Variants in REPS2 observed in about 807,000 individuals in gnomAD.
REPS2 encodes ralBP1-associated Eps domain-containing protein 2.
REPS2 carries 23 observed loss-of-function variants against 53.6 expected under a neutral mutation model. That is an observed-to-expected ratio of 0.43 (90% CI 0.31 to 0.61). The LOEUF (loss-of-function observed/expected upper bound fraction) is 0.61, where lower values mean the gene tolerates loss of function less well. REPS2 is among the 20% of genes least tolerant of loss of function. REPS2 has a pLI of 0.11. For missense variants in REPS2, 446 were observed against 534.9 expected, an observed-to-expected ratio of 0.83 and a Z score of 1.64; for synonymous variants, 238 against 218.6, an observed-to-expected ratio of 1.09 and a Z score of -0.78.
At chrX:16,956,955 T>C (rs2060604719) in intron 1 of REPS2, among the ~76,000 whole-genome samples, 1 of 112,672 alleles carries the variant, frequency 8.9e-6, no homozygotes, top group Non-Finnish European at 1.9e-5. Flanking sequence ...ACTAGGCTAG[T>C]AGGAAATGTT....
At chrX:17,153,281 T>G (rs1331138509), downstream of REPS2, 1 of 112,179 alleles carries the variant, frequency 8.9e-6, no homozygotes, top group Non-Finnish European at 1.9e-5. Context: ...AAGTGTGGGT[T>G]TTATGGAGTC....
Position 17,150,600 on chromosome X carries a change from G to C in REPS2, c.*3119G>C, listed in dbSNP as rs2063560484. The C allele has an allele frequency of 8.9e-6, 1 of 112,812 alleles. No individual in the cohort carries two copies. Among genetic ancestry groups the C allele is most frequent in the Admixed American group, 9.3e-5 (1 of 10,706 alleles). The allele number at this position is 112,812 out of a possible 1,213,427, so 9.3% of individuals were successfully genotyped here. On this transcript the variant is annotated 3_prime_UTR_variant, in exon 18 of 18. Transcript: ENST00000357277. ...ACTGCTTTACAAATATTAAACAAGTGCTTGGGCATGATTGGGAGAGGAGGC... is the reference window on the plus strand; with the variant it reads ...ACTGCTTTACAAATATTAAACAAGTCCTTGGGCATGATTGGGAGAGGAGGC...
At chrX:17,108,227 G>A (rs1431913807) in intron 14 of REPS2, among the ~76,000 whole-genome samples, 1 of 107,106 alleles carries the variant, frequency 9.3e-6, no homozygotes, top group Non-Finnish European at 1.9e-5. Flanking sequence ...AGGCTGGAGT[G>A]CAATGGCGCG....
intron 14 of REPS2, among the ~76,000 whole-genome samples, chrX:17,123,448 C>G (rs1189734886): frequency 8.9e-6 from 1 of 112,802 alleles, no homozygotes; most frequent in Non-Finnish European, 1.9e-5. Flanking sequence ...AAGTCTGTCT[C>G]ATGGATGTTG....
At chrX:16,994,359 G>C (rs1175724066) in intron 1 of REPS2, among the ~76,000 whole-genome samples, 1 of 85,325 alleles carries the variant, frequency 1.2e-5, no homozygotes, top group Non-Finnish European at 2.3e-5. Flanking sequence ...ATACACACAC[G>C]TACATATATA....
intron 12 of REPS2, among the ~76,000 whole-genome samples, chrX:17,076,188 G>T (rs2062378716): frequency 8.9e-6 from 1 of 111,981 alleles, no homozygotes; most frequent in Non-Finnish European, 1.9e-5. Context: ...AGAACTGAAG[G>T]GGTTTAATAG....
In REPS2 at chrX:16,951,559, A is replaced by ACCC. The variant is rs74473321; in HGVS notation, c.273+4428_273+4430dup. On this transcript the variant is annotated intron_variant, in intron 1 of 17. Transcript: ENST00000357277. ...CACACACACACACACACACACACAC[A>ACCC]CCCCCGCTACCTACCTCTCTCTGGG... 9.7e-3 allele frequency among the ~76,000 whole-genome samples: 365 copies of ACCC among 37,494 alleles called. 6 individuals carry two copies. The highest frequency in any genetic ancestry group is 0.021 in the East Asian group (23 of 1,106). The allele number at this position is 37,494 out of a possible 115,157, so 32.6% of individuals were successfully genotyped here.
chrX:17,026,002 TAA>T (rs1352451182), intron 4 of REPS2, among the ~76,000 whole-genome samples: 1 of 112,035 alleles, frequency 8.9e-6, no homozygotes, highest in Non-Finnish European at 1.9e-5. Context: ...TTTACTGCAT[TAA>T]AAATAGTGGT....
At chrX:17,191,733 A>AT in the REPS2 span, among the ~76,000 whole-genome samples, 4 of 112,785 alleles carry the variant, frequency 3.5e-5, no homozygotes, top group African/African-American at 1.3e-4. Flanking sequence ...AACATGGATT[A>AT]TTCTTAAAGG....
chrX:17,071,553 G>A (rs1302336865), intron 11 of REPS2, among the ~76,000 whole-genome samples: 2 of 111,295 alleles, frequency 1.8e-5, no homozygotes, highest in Non-Finnish European at 1.9e-5. Flanking sequence ...CATGCTATGT[G>A]TTTTCTGATT....
At chrX:17,183,094 G>T in the REPS2 span, among the ~76,000 whole-genome samples, 3 of 112,484 alleles carry the variant, frequency 2.7e-5, 1 homozygote, top group Non-Finnish European at 5.6e-5. Flanking sequence ...GGGAATTCTG[G>T]TGAAAAATGT....
intron 14 of REPS2, among the ~76,000 whole-genome samples, chrX:17,114,686 A>G (rs1169110657): frequency 1.8e-5 from 2 of 112,537 alleles, no homozygotes; most frequent in Non-Finnish European, 3.8e-5. Context: ...TAAGACATAT[A>G]TTGCATAATT....
At chrX:17,066,539 TATG>T (rs1170760869) in intron 9 of REPS2, among the ~76,000 whole-genome samples, 1 of 112,535 alleles carries the variant, frequency 8.9e-6, no homozygotes, top group Non-Finnish European at 1.9e-5. Context: ...AATGCACTGT[TATG>T]ATACATTGTC....
chrX:17,029,000 A>G (rs1288153634), intron 4 of REPS2, among the ~76,000 whole-genome samples: 1 of 112,083 alleles, frequency 8.9e-6, no homozygotes, highest in Non-Finnish European at 1.9e-5. Flanking sequence ...TGGTTATTGA[A>G]TAGTAGAATA....
At chrX:17,094,769 G>A (rs1348281411) in intron 13 of REPS2, among the ~76,000 whole-genome samples, 1 of 110,780 alleles carries the variant, frequency 9.0e-6, no homozygotes, top group Non-Finnish European at 1.9e-5. Flanking sequence ...ACTTTCTCTG[G>A]TGACTCTAGT....
chrX:17,081,904 G>A (rs1377882713), intron 13 of REPS2, among the ~76,000 whole-genome samples: 1 of 112,122 alleles, frequency 8.9e-6, no homozygotes, highest in African/African-American at 3.2e-5. Flanking sequence ...GTGATGTTTG[G>A]ATTTTATGTC....
At chrX:16,981,637 A>G (rs935214056) in intron 1 of REPS2, among the ~76,000 whole-genome samples, 1 of 112,119 alleles carries the variant, frequency 8.9e-6, no homozygotes, top group African/African-American at 3.2e-5. Flanking sequence ...TGGATCCACT[A>G]CCTTCTTCCA....
chrX:17,037,968 C>T (rs1340764649), intron 5 of REPS2, among the ~76,000 whole-genome samples: 1 of 111,779 alleles, frequency 8.9e-6, no homozygotes, highest in Admixed American at 9.5e-5. Context: ...CTTCTTTGGT[C>T]CCAGTGCTGT....
Position 17,138,853 on chromosome X carries a change from T to C in REPS2, c.1809-3T>C. 3 of 1,178,742 alleles carry C rather than the reference T, an allele frequency of 2.5e-6. No homozygotes were observed. The highest frequency in any genetic ancestry group is 3.4e-6 in the Non-Finnish European group (3 of 873,663). ...TCACTGAAGTGTTTGTGCTTTTCTA[T>C]AGGCAGTCTTCCAAACAGAAGAAGG... On this transcript the variant is annotated splice_polypyrimidine_tract_variant and splice_region_variant and intron_variant, in intron 16 of 17. Coordinates refer to ENST00000357277, the MANE Select transcript of REPS2 (RefSeq NM_004726.3).
Sources: allele counts gnomAD v4.1 joint callset (sites outside exome capture counted in the v4.1 genomes callset), GRCh38; gene constraint gnomAD v4.1.1; transcripts MANE v1.5; gene names NCBI Gene and HGNC (gene_info 2026-07-23, HGNC 2026-07-21).